The following SAMD12 variants were observed in gnomAD, a reference collection of about 807,000 sequenced individuals.
SAMD12 encodes sterile alpha motif domain containing 12.
SAMD12 carries 9 observed loss-of-function variants against 15.0 expected under a neutral mutation model. The observed-to-expected ratio is 0.60, with a 90% CI of 0.36 to 1.05. The LOEUF (loss-of-function observed/expected upper bound fraction) is 1.05, where lower values mean the gene tolerates loss of function less well. Ranked by LOEUF, SAMD12 falls within the 50% of genes least tolerant of loss-of-function variation. The pLI is 0.01. For synonymous variants in SAMD12, 86 were observed against 90.1 expected (o/e 0.96, Z 0.25); for missense variants, 230 against 234.2 (o/e 0.98, Z 0.12).
At chr8:118,462,052 G>C (rs1823438036) in intron 2 of SAMD12, among the ~76,000 whole-genome samples, 3 of 152,162 alleles carry the variant, frequency 2.0e-5, no homozygotes. Flanking sequence ...ACCTGCATTT[G>C]ATTTTGTCAG....
chr8:118,327,769 C>T (rs972224564), intron 4 of SAMD12, among the ~76,000 whole-genome samples: 1 of 152,102 alleles, frequency 6.6e-6, no homozygotes, highest in African/African-American at 2.4e-5. Context: ...AGGCCCCAAC[C>T]TTTTATTGGC....
intron 4 of SAMD12, among the ~76,000 whole-genome samples, chr8:118,339,676 G>A (rs938971083): frequency 6.6e-6 from 1 of 152,208 alleles, no homozygotes; most frequent in East Asian, 1.9e-4. Flanking sequence ...GGGTCCCTGA[G>A]GGTGATTCTG....
intron 3 of SAMD12, among the ~76,000 whole-genome samples, chr8:118,389,687 C>A (rs1820163109): frequency 6.6e-6 from 1 of 151,614 alleles, no homozygotes; most frequent in Non-Finnish European, 1.5e-5. Context: ...TGCACTCCAG[C>A]CTGGGTGACA....
chr8:118,613,594 G>A (rs1828160834), intron 1 of SAMD12, among the ~76,000 whole-genome samples: 1 of 152,022 alleles, frequency 6.6e-6, no homozygotes, highest in African/African-American at 2.4e-5. Context: ...TCCCTAAAAG[G>A]TCCTAATATT....
chr8:118,531,461 G>T (rs935633726), intron 2 of SAMD12, among the ~76,000 whole-genome samples: 38 of 152,262 alleles, frequency 2.5e-4, no homozygotes, highest in African/African-American at 7.7e-4. Flanking sequence ...CCAATTCTGT[G>T]AAGAAAGTCA....
At chr8:118,604,945 A>G (rs907463734) in intron 1 of SAMD12, among the ~76,000 whole-genome samples, 2 of 152,080 alleles carry the variant, frequency 1.3e-5, no homozygotes, top group Non-Finnish European at 2.9e-5. Context: ...AAATAAAAAT[A>G]AATAAATAAA....
chr8:118,550,748 G>C lies in SAMD12; in HGVS notation c.192+29967C>G, dbSNP rs894263712. Among the ~76,000 whole-genome samples, 7 of 151,680 alleles carry C rather than the reference G, an allele frequency of 4.6e-5. No individual in the cohort carries two copies. In the East Asian group the frequency reaches 1.3e-3, roughly 29 times the overall value. ...CACAGACTGGCAAATTGGATAAAGA[G>C]TCAAGACCCATCAGTGTGTTGTATT... On this transcript the variant is annotated intron_variant, in intron 2 of 3. Transcript: ENST00000314727.
intron 4 of SAMD12, among the ~76,000 whole-genome samples, chr8:118,279,123 A>T (rs1278007507): frequency 2.6e-5 from 4 of 152,218 alleles, no homozygotes; most frequent in African/African-American, 7.2e-5. Flanking sequence ...AACCAATTGC[A>T]CATCTGGGTC....
chr8:118,398,446 T>C (rs965121050), intron 3 of SAMD12, among the ~76,000 whole-genome samples: 1 of 152,088 alleles, frequency 6.6e-6, no homozygotes, highest in Admixed American at 6.6e-5. Flanking sequence ...ATGGCTACGA[T>C]CACATAGATA....
At chr8:118,495,975 CAATAA>C (rs1047780558) in intron 2 of SAMD12, among the ~76,000 whole-genome samples, 2 of 151,972 alleles carry the variant, frequency 1.3e-5, no homozygotes, top group African/African-American at 4.8e-5. Context: ...GTCATTAAAA[CAATAA>C]AATACTTAGG....
intron 3 of SAMD12, among the ~76,000 whole-genome samples, chr8:118,384,388 T>C (rs1287268042): frequency 6.6e-6 from 1 of 152,142 alleles, no homozygotes; most frequent in East Asian, 1.9e-4. Context: ...CAGAGGTATA[T>C]GTAGGAGCAA....
intron 2 of SAMD12, among the ~76,000 whole-genome samples, chr8:118,571,541 T>G (rs140958730): frequency 0.044 from 6,772 of 152,262 alleles, 234 homozygotes; most frequent in Non-Finnish European, 0.062. Context: ...GTAGGCTGTA[T>G]AAAAAGTGGT....
At chr8:118,264,939 G>A (rs770246356) in intron 4 of SAMD12, among the ~76,000 whole-genome samples, 5 of 152,118 alleles carry the variant, frequency 3.3e-5, no homozygotes, top group Admixed American at 1.3e-4. Context: ...CTTATCCTGC[G>A]AAGGGCAGGG....
chr8:118,553,467 C>T (rs1186057142), intron 2 of SAMD12, among the ~76,000 whole-genome samples: 1 of 152,324 alleles, frequency 6.6e-6, no homozygotes, highest in South Asian at 2.1e-4. Context: ...GCTGGGAAAA[C>T]TTGCTAGCCA....
At chr8:118,528,545 T>C (rs976685758) in intron 2 of SAMD12, among the ~76,000 whole-genome samples, 2 of 152,230 alleles carry the variant, frequency 1.3e-5, no homozygotes, top group Non-Finnish European at 1.5e-5. Flanking sequence ...CCTGAATGAA[T>C]TGTGTTGATA....
At chr8:118,176,204 G>A in the SAMD12 span, among the ~76,000 whole-genome samples, 1 of 152,182 alleles carries the variant, frequency 6.6e-6, no homozygotes, top group Non-Finnish European at 1.5e-5. Flanking sequence ...AGAAGACTGA[G>A]GCAGGAGAAT....
At chr8:118,133,433 G>A in the SAMD12 span, among the ~76,000 whole-genome samples, 1 of 151,980 alleles carries the variant, frequency 6.6e-6, no homozygotes, top group Non-Finnish European at 1.5e-5. Context: ...TTGCTGCACA[G>A]ATCAATTCAT....
At chr8:118,364,330 T>C (rs191295138) in intron 4 of SAMD12, among the ~76,000 whole-genome samples, 6 of 152,102 alleles carry the variant, frequency 3.9e-5, no homozygotes, top group Admixed American at 2.6e-4. Context: ...CTATGGAGGG[T>C]GGGCTACTTT....
intron 4 of SAMD12, among the ~76,000 whole-genome samples, chr8:118,303,692 G>T (rs1815164433): frequency 6.6e-6 from 1 of 151,860 alleles, no homozygotes; most frequent in Admixed American, 6.6e-5. Flanking sequence ...TTCTAATGGA[G>T]CCTGAAATTA....
Sources: gnomAD v4.1 joint callset for allele counts (sites outside exome capture counted in the v4.1 genomes callset) on GRCh38, gnomAD v4.1.1 for gene constraint, MANE v1.5 for transcripts, NCBI Gene and HGNC (gene_info 2026-07-23, HGNC 2026-07-21) for gene names.